The following POU2F3 variants were observed in gnomAD, a reference collection of about 807,000 sequenced individuals.
POU2F3 encodes POU domain, class 2, transcription factor 3.
Under a neutral mutation model 59.2 loss-of-function variants are expected in POU2F3, and 23 were observed. The observed-to-expected ratio is 0.39, with a 90% CI of 0.28 to 0.55. POU2F3 has a LOEUF of 0.55. POU2F3 is among the 20% of genes least tolerant of loss of function. POU2F3 has a pLI of 0.66. For missense variants in POU2F3, 473 were observed against 544.5 expected (o/e 0.87, Z 1.31); for synonymous variants, 190 against 214.6 (o/e 0.89, Z 1.00).
chr11:120,305,981 C>T (rs1679502210), intron 8 of POU2F3, among the ~76,000 whole-genome samples, 196 bp downstream of exon 8: 1 of 152,144 alleles, frequency 6.6e-6, no homozygotes, highest in East Asian at 1.9e-4. Context: ...CTGAGAAGCC[C>T]TCAGAAGGAT....
At chr11:120,274,156 G>GAAGGAAGT (rs1461040895) in intron 3 of POU2F3, among the ~76,000 whole-genome samples, 1 of 150,052 alleles carries the variant, frequency 6.7e-6, no homozygotes, top group Non-Finnish European at 1.5e-5. Context: ...AGGAAGGAAG[G>GAAGGAAGT]AAATGCACAC....
intron 12 of POU2F3, 103 bp downstream of exon 12, chr11:120,317,467 G>C: frequency 1.3e-6 from 2 of 1,492,862 alleles, no homozygotes; most frequent in Non-Finnish European, 1.8e-6. Context: ...AGAAAGGGTT[G>C]GAAAAGAGGA....
intron 2 of POU2F3, among the ~76,000 whole-genome samples, chr11:120,265,152 C>T (rs1939773284): frequency 6.6e-6 from 1 of 152,200 alleles, no homozygotes; most frequent in Admixed American, 6.5e-5. Flanking sequence ...CAGGAACAAG[C>T]ATGGCAGTAA....
intron 3 of POU2F3, among the ~76,000 whole-genome samples, chr11:120,288,637 G>A (rs1304727985): frequency 6.6e-6 from 1 of 152,178 alleles, no homozygotes; most frequent in African/African-American, 2.4e-5. Context: ...CAACAGAAAT[G>A]TGTTTGAAAG....
chr11:120,276,103 C>T (rs916910414), intron 3 of POU2F3, among the ~76,000 whole-genome samples: 56 of 152,254 alleles, frequency 3.7e-4, no homozygotes, highest in African/African-American at 1.1e-3. Context: ...GAGTTGGCAA[C>T]GGAGGGTCCG....
At chr11:120,240,703 C>T (rs1938624039) in intron 1 of POU2F3, among the ~76,000 whole-genome samples, 1 of 152,134 alleles carries the variant, frequency 6.6e-6, no homozygotes, top group African/African-American at 2.4e-5. Context: ...ATGGGTGGTT[C>T]ACTCACTCAG....
intron 3 of POU2F3, 22 bp from the exon 4 acceptor site, chr11:120,298,243 C>A: frequency 6.2e-7 from 1 of 1,604,638 alleles, no homozygotes; most frequent in Non-Finnish European, 8.5e-7. Context: ...CACTGACGCT[C>A]TCCTCTTGCT....
chr11:120,269,389 G>A (rs1208229068), intron 3 of POU2F3, 145 bp downstream of exon 3: 3 of 650,734 alleles, frequency 4.6e-6, no homozygotes, highest in Admixed American at 5.8e-5. Flanking sequence ...AGGACCTTGA[G>A]CCCAACCTCC....
chr11:120,251,798 T>C (rs893526271), intron 2 of POU2F3, among the ~76,000 whole-genome samples: 12 of 147,552 alleles, frequency 8.1e-5, no homozygotes, highest in Non-Finnish European at 1.7e-4. Flanking sequence ...GCTGCCTTTT[T>C]TTTTTTTTTT....
chr11:120,309,090 C>T (rs1176494517), intron 9 of POU2F3, among the ~76,000 whole-genome samples: 8 of 151,524 alleles, frequency 5.3e-5, no homozygotes, highest in Admixed American at 5.3e-4. Context: ...CTCCTCTGAA[C>T]TCATGAATGA....
At chr11:120,242,442 C>T (rs915783058) in intron 1 of POU2F3, among the ~76,000 whole-genome samples, 1 of 152,174 alleles carries the variant, frequency 6.6e-6, no homozygotes, top group African/African-American at 2.4e-5. Flanking sequence ...CCAGGATCCT[C>T]TTTTGGAAAT....
At chr11:120,310,263 T>C (rs1023819848) in intron 10 of POU2F3, among the ~76,000 whole-genome samples, 1 of 152,108 alleles carries the variant, frequency 6.6e-6, no homozygotes, top group South Asian at 2.1e-4. Flanking sequence ...TGGAGTAGCA[T>C]GATGTGCTCA....
At chr11:120,288,386 G>A (rs963600174) in intron 3 of POU2F3, among the ~76,000 whole-genome samples, 2 of 152,100 alleles carry the variant, frequency 1.3e-5, no homozygotes, top group South Asian at 4.1e-4. Context: ...GAAATAAAAG[G>A]CTTTGGAGCT....
chr11:120,240,105 G>T (rs898153740), upstream of POU2F3: 11 of 1,147,774 alleles, frequency 9.6e-6, no homozygotes, highest in African/African-American at 1.6e-5. Context: ...GGCGTGGCCG[G>T]CGGCCCCCGC....
At position 120,307,495 on chromosome 11, in the gene POU2F3, C is replaced by T; in HGVS notation, c.786C>T (p.Asp262=). The change falls in exon 9 of 13, where the codon GAC becomes GAT. Residue 262 remains aspartate, a synonymous_variant. Coordinates refer to ENST00000543440, the MANE Select transcript of POU2F3 (RefSeq NM_014352.4). Reference sequence around the variant, plus strand: ...TCCCTGCAGAGTCCTCTCCGTCAGACCCCTCAGTGAGCACGCCCAGCTCCT... The same window carrying T: ...TCCCTGCAGAGTCCTCTCCGTCAGATCCCTCAGTGAGCACGCCCAGCTCCT... ...WLNDAESSPS[D]PSVSTPSSYP... is the part of the protein sequence containing the mutation. 1 of 1,614,168 alleles carries T rather than the reference C, an allele frequency of 6.2e-7. No individual in the cohort carries two copies. The highest frequency in any genetic ancestry group is 8.5e-7 in the Non-Finnish European group (1 of 1,179,992).
At chr11:120,286,624 G>A (rs1170270421) in intron 3 of POU2F3, among the ~76,000 whole-genome samples, 1 of 152,084 alleles carries the variant, frequency 6.6e-6, no homozygotes. Context: ...CCTATCCTAT[G>A]GGGTTTTTTA....
Position 120,269,219 on chromosome 11 carries a change from G to T in POU2F3, c.107G>T (p.Arg36Leu), listed in dbSNP as rs200756719. 1 of 1,587,818 alleles carries T rather than the reference G, an allele frequency of 6.3e-7. No homozygotes were observed. The highest frequency in any genetic ancestry group is 1.7e-4 in the Middle Eastern group (1 of 6,016). The stretch of plus-strand genomic sequence containing the variant: ...TTTTTATCTTTTCTAGGAAATGATC[G>T]AAATGGCCTAGATTTCAACAGGCAG... ...TLSQVEPGND[R>L]NGLDFNRQIK... The change falls in exon 3 of 13, where the codon CGA becomes CTA. Residue 36 changes from arginine to leucine, a missense_variant. Transcript: ENST00000543440.
chr11:120,285,558 A>G lies in POU2F3; in HGVS notation c.133-12707A>G, dbSNP rs1298236779. On this transcript the variant is annotated intron_variant, in intron 3 of 12. Transcript: ENST00000543440. The surrounding 1 kb of genome is among the most constrained non-coding windows in gnomAD (Gnocchi z 4.3). Reference sequence around the variant, plus strand: ...AACCAGTTATATACTTAATACATGAATACTTTCCGGTTATAAAAAAATTTC... The same window carrying G: ...AACCAGTTATATACTTAATACATGAGTACTTTCCGGTTATAAAAAAATTTC... 6.6e-6 allele frequency among the ~76,000 whole-genome samples: 1 copy of G among 152,184 alleles called. No individual in the cohort carries two copies. The highest frequency in any genetic ancestry group is 1.5e-5 in the Non-Finnish European group (1 of 68,036).
intron 3 of POU2F3, among the ~76,000 whole-genome samples, chr11:120,291,059 C>T (rs1294214458): frequency 6.6e-6 from 1 of 152,212 alleles, no homozygotes; most frequent in African/African-American, 2.4e-5. Context: ...ATGCTGGCTC[C>T]AAAGCCAAGT....
Sources: gnomAD v4.1 joint callset for allele counts (sites outside exome capture counted in the v4.1 genomes callset) on GRCh38, gnomAD v4.1.1 for gene constraint, Gnocchi (gnomAD v3.1) non-coding constraint, MANE v1.5 for transcripts, NCBI Gene and HGNC (gene_info 2026-07-23, HGNC 2026-07-21) for gene names.